TNFSF10: variants seen among roughly 807,000 people sequenced by gnomAD.
The protein encoded by TNFSF10 is tumor necrosis factor ligand superfamily member 10.
Under a neutral mutation model 29.5 loss-of-function variants are expected in TNFSF10, and 13 were observed. The ratio of observed to expected loss-of-function variants is 0.44; its 90% CI spans 0.29 to 0.70. The LOEUF (loss-of-function observed/expected upper bound fraction) is 0.70. Among genes scored for constraint, TNFSF10 ranks in the 30% least tolerant of loss-of-function variants. The probability of loss-of-function intolerance (pLI) is 0.13; values close to 1 mark genes in which losing one functional copy is unlikely to be tolerated. For missense variants in TNFSF10, 345 were observed against 330.9 expected (o/e 1.04, Z -0.33); for synonymous variants, 111 against 112.8 (o/e 0.98, Z 0.10).
intron 2 of TNFSF10, 138 bp downstream of exon 2, chr3:172,514,722 AC>A: frequency 8.3e-7 from 1 of 1,209,758 alleles, no homozygotes. Flanking sequence ...GGGGAAAATT[AC>A]TTAAATACTC....
chr3:172,515,014 A>C lies in TNFSF10; in HGVS notation c.133-16T>G, dbSNP rs368406561. 8 of 1,613,428 alleles carry C rather than the reference A, an allele frequency of 5.0e-6. No homozygotes were observed. Among genetic ancestry groups the C allele is most frequent in the Admixed American group, 1.7e-5 (1 of 59,768 alleles). The stretch of plus-strand genomic sequence containing the variant: ...TGTCCTGCATCTGGGTTGAGATGGA[A>C]TATAACACAATATTTTGCATAAGTG... On this transcript the variant is annotated splice_polypyrimidine_tract_variant and intron_variant, in intron 1 of 4. Coordinates refer to ENST00000241261, the MANE Select transcript of TNFSF10 (RefSeq NM_003810.4).
Position 172,506,497 on chromosome 3 carries a change from C to T in TNFSF10, c.841G>A (p.Gly281Ser), listed in dbSNP as rs1158834065. 4 of 1,600,440 alleles carry T rather than the reference C, an allele frequency of 2.5e-6. No individual in the cohort carries two copies. The African/African-American group carries it at 5.4e-5, about 22-fold the overall frequency. Residue 281 changes from glycine to serine, a missense_variant, in exon 5 of 5, where the codon GGC (glycine) becomes AGC (serine). Coordinates refer to ENST00000241261, the MANE Select transcript of TNFSF10 (RefSeq NM_003810.4). ...GCTTTTTCTTTCCAGGTCAGTTAGCCAACTAAAAAGGCCCCAAAAAAACTG... is the reference window on the plus strand; with the variant it reads ...GCTTTTTCTTTCCAGGTCAGTTAGCTAACTAAAAAGGCCCCAAAAAAACTG... ...EASFFGAFLV[G>S]
chr3:172,511,417 T>C, intron 3 of TNFSF10, 200 bp downstream of exon 3: 1 of 449,730 alleles, frequency 2.2e-6, no homozygotes, highest in South Asian at 4.0e-5. Context: ...TGACCATAGA[T>C]GGGCCACAGA....
intron 1 of TNFSF10, chr3:172,517,642 C>A (rs1236607219): frequency 1.0e-6 from 1 of 985,240 alleles, no homozygotes; most frequent in Non-Finnish European, 1.2e-6. Flanking sequence ...GGGGTGAGAT[C>A]AGACTGTGTG....
chr3:172,518,494 G>T lies in TNFSF10; in HGVS notation c.133-3496C>A, dbSNP rs1223034431. 3 of 1,273,122 alleles carry T rather than the reference G, an allele frequency of 2.4e-6. No homozygotes were observed. In the African/African-American group the frequency reaches 4.6e-5, roughly 19 times the overall value. The allele number at this position is 1,273,122 out of a possible 1,614,324, so 78.9% of individuals were successfully genotyped here. ...CAAATAGCATAAAGGATCATTTATG[G>T]AGATCCGTGGAGAGGAAGCCCTTCT... On this transcript the variant is annotated intron_variant, in intron 1 of 4. Coordinates refer to ENST00000241261, the MANE Select transcript of TNFSF10 (RefSeq NM_003810.4).
intron 1 of TNFSF10, chr3:172,518,192 T>TG: frequency 9.0e-7 from 1 of 1,115,844 alleles, no homozygotes; most frequent in Non-Finnish European, 1.1e-6. Flanking sequence ...AGGTAGCGTG[T>TG]GGGGATTATT....
At chr3:172,518,411 G>T (rs1375915858) in intron 1 of TNFSF10, 1 of 1,289,140 alleles carries the variant, frequency 7.8e-7, no homozygotes, top group Non-Finnish European at 1.0e-6. Flanking sequence ...CAAGATGGCA[G>T]CAATGACCCT....
At chr3:172,513,085 CCT>C (rs1468813684) in intron 2 of TNFSF10, among the ~76,000 whole-genome samples, 4 of 152,150 alleles carry the variant, frequency 2.6e-5, no homozygotes, top group Non-Finnish European at 5.9e-5. Context: ...TCACCTATTC[CCT>C]CTGTGTTCTC....
intron 1 of TNFSF10, among the ~76,000 whole-genome samples, chr3:172,517,176 C>A (rs908808104): frequency 6.6e-6 from 1 of 152,274 alleles, no homozygotes; most frequent in African/African-American, 2.4e-5. Flanking sequence ...TTGAAAGCTG[C>A]CTGTGATCAG....
At chr3:172,517,983 T>C (rs547530833) in intron 1 of TNFSF10, 3 of 985,758 alleles carry the variant, frequency 3.0e-6, no homozygotes, top group East Asian at 1.1e-4. Context: ...GTTTCTCCTA[T>C]AGAACTTGGC....
intron 3 of TNFSF10, among the ~76,000 whole-genome samples, chr3:172,509,803 C>A (rs924534006): frequency 6.6e-6 from 1 of 151,664 alleles, no homozygotes; most frequent in African/African-American, 2.4e-5. Context: ...ACGGTGAAAC[C>A]CCATCTCTAC....
At position 172,506,159 on chromosome 3, in the gene TNFSF10, G is replaced by T; in HGVS notation, c.*333C>A. On this transcript the variant is annotated 3_prime_UTR_variant, in exon 5 of 5. Coordinates refer to ENST00000241261, the MANE Select transcript of TNFSF10 (RefSeq NM_003810.4). ...GCTCTTTCTTCTACAGTCTTTACAA[G>T]GAGTAGATTATAAAGACAGAAGATG... 1 of 227,438 alleles carries T rather than the reference G, an allele frequency of 4.4e-6. No homozygotes were observed. Among genetic ancestry groups the T allele is most frequent in the Non-Finnish European group, 8.5e-6 (1 of 117,266 alleles). 14.1% of individuals were successfully genotyped at this position (227,438 alleles called of 1,614,324 possible).
intron 1 of TNFSF10, among the ~76,000 whole-genome samples, chr3:172,520,655 G>A (rs1713648878): frequency 6.6e-6 from 1 of 152,180 alleles, no homozygotes; most frequent in Non-Finnish European, 1.5e-5. Context: ...TGAACCACAA[G>A]TATTAGTATT....
At chr3:172,511,140 C>T (rs1414633659) in intron 3 of TNFSF10, among the ~76,000 whole-genome samples, 3 of 152,016 alleles carry the variant, frequency 2.0e-5, no homozygotes, top group Non-Finnish European at 2.9e-5. Flanking sequence ...GTGGAGACCG[C>T]AGGATGAGGA....
chr3:172,522,952 G>C lies in TNFSF10; in HGVS notation c.132+301C>G, dbSNP rs80310853. Among the ~76,000 whole-genome samples, 95 of 152,292 alleles carry C rather than the reference G, an allele frequency of 6.2e-4. No individual in the cohort carries two copies. In the East Asian group the frequency reaches 0.017, roughly 28 times the overall value. ...TAGCAGAAAGCTTTCATGAAGAGTTGCAATGGCTGATATTATAAAATACAC... is the reference window on the plus strand; with the variant it reads ...TAGCAGAAAGCTTTCATGAAGAGTTCCAATGGCTGATATTATAAAATACAC... On this transcript the variant is annotated intron_variant, in intron 1 of 4. Coordinates refer to ENST00000241261, the MANE Select transcript of TNFSF10 (RefSeq NM_003810.4).
intron 1 of TNFSF10, chr3:172,518,415 T>A: frequency 7.8e-7 from 1 of 1,289,426 alleles, no homozygotes; most frequent in Non-Finnish European, 1.0e-6. Flanking sequence ...ATGGCAGCAA[T>A]GACCCTGTCT....
At chr3:172,511,785 T>C in intron 2 of TNFSF10, 126 bp from the exon 3 acceptor site, 2 of 766,704 alleles carry the variant, frequency 2.6e-6, no homozygotes, top group Non-Finnish European at 4.2e-6. Flanking sequence ...TCTGGGAAGT[T>C]TTAAGTTGGT....
chr3:172,519,263 A>C (rs555624864), intron 1 of TNFSF10, among the ~76,000 whole-genome samples: 2 of 152,360 alleles, frequency 1.3e-5, no homozygotes, highest in South Asian at 4.1e-4. Context: ...ATTAGGAAAA[A>C]TGTATGCAAG....
chr3:172,513,915 T>C (rs1713330867), intron 2 of TNFSF10, among the ~76,000 whole-genome samples: 1 of 151,998 alleles, frequency 6.6e-6, no homozygotes, highest in Admixed American at 6.6e-5. Flanking sequence ...CTCAGCTCAC[T>C]GCAACTTCTG....
Sources: gnomAD v4.1 joint callset for allele counts (sites outside exome capture counted in the v4.1 genomes callset) on GRCh38, gnomAD v4.1.1 for gene constraint, MANE v1.5 for transcripts, NCBI Gene and HGNC (gene_info 2026-07-23, HGNC 2026-07-21) for gene names.